Variants in MCMDC2 observed in about 807,000 individuals in gnomAD.
MCMDC2 encodes minichromosome maintenance domain-containing protein 2.
Under a neutral mutation model 75.8 loss-of-function variants are expected in MCMDC2, and 54 were observed. The observed-to-expected ratio is 0.71, with a 90% CI of 0.57 to 0.89. MCMDC2 has a LOEUF of 0.89. MCMDC2 is among the 40% of genes least tolerant of loss of function. The pLI is 0.00. For missense variants in MCMDC2, 656 were observed against 780.4 expected, an observed-to-expected ratio of 0.84 and a Z score of 1.90; for synonymous variants, 249 against 274.6, an observed-to-expected ratio of 0.91 and a Z score of 0.92.
At chr8:66,906,249 C>T (rs990890651) in intron 14 of MCMDC2, among the ~76,000 whole-genome samples, 14 of 152,162 alleles carry the variant, frequency 9.2e-5, no homozygotes, top group African/African-American at 1.7e-4. Context: ...TACCATTCTT[C>T]AAACCAAACC....
intron 9 of MCMDC2, chr8:66,884,273 C>T: frequency 2.2e-6 from 1 of 461,768 alleles, no homozygotes; most frequent in South Asian, 4.5e-5. Flanking sequence ...GCTCTGTATT[C>T]TCTTTCTGTA....
At position 66,903,460 on chromosome 8, in the gene MCMDC2, A is replaced by C. The variant is rs201388826; in HGVS notation, c.1770-1766A>C. ...TACTTAACAATTATTTTGAGATTACACTTTAATACTATATCAAATAAAGAA... is the reference window on the plus strand; with the variant it reads ...TACTTAACAATTATTTTGAGATTACCCTTTAATACTATATCAAATAAAGAA... On this transcript the variant is annotated intron_variant, in intron 13 of 14. Coordinates refer to ENST00000422365, the MANE Select transcript of MCMDC2 (RefSeq NM_173518.5). 2.6e-5 allele frequency among the ~76,000 whole-genome samples: 4 copies of C among 152,170 alleles called. No individual in the cohort carries two copies. The East Asian group carries it at 7.7e-4, about 29-fold the overall frequency.
intron 10 of MCMDC2, among the ~76,000 whole-genome samples, chr8:66,892,131 G>A (rs138015682): frequency 2.6e-5 from 4 of 152,288 alleles, no homozygotes; most frequent in East Asian, 1.9e-4. Context: ...CCAGCCCATC[G>A]CCACTTTCTG....
chr8:66,898,034 T>C (rs551254997), intron 12 of MCMDC2, among the ~76,000 whole-genome samples: 1 of 152,250 alleles, frequency 6.6e-6, no homozygotes, highest in African/African-American at 2.4e-5. Context: ...ATGAATATTG[T>C]TTATTCACAT....
In MCMDC2 at chr8:66,919,099, G is replaced by GC. The variant is rs1443469814; in HGVS notation, c.1978dup (p.Gln660ProfsTer20). The GC allele has an allele frequency of 3.2e-6, 5 of 1,550,594 alleles. No individual in the cohort carries two copies. The highest frequency in any genetic ancestry group is 4.4e-6 in the Non-Finnish European group (5 of 1,146,524). On this transcript the variant is annotated frameshift_variant, in exon 15 of 15. Transcript: ENST00000422365. LOFTEE classifies it high-confidence loss of function. The stretch of plus-strand genomic sequence containing the variant: ...CAAAGGGATCTCTATCTGACTCAGT[G>GC]CCAACAACAGCTGGAACAATTTATT...
intron 9 of MCMDC2, among the ~76,000 whole-genome samples, chr8:66,889,726 G>A (rs1812010879): frequency 6.6e-6 from 1 of 152,204 alleles, no homozygotes; most frequent in African/African-American, 2.4e-5. Context: ...TTGAGCCTGG[G>A]AGGTGGAGGT....
At chr8:66,901,653 C>T (rs879618948) in intron 13 of MCMDC2, 10 of 1,054,020 alleles carry the variant, frequency 9.5e-6, no homozygotes, top group Non-Finnish European at 1.1e-5. Flanking sequence ...GGCTGTTGGG[C>T]GGGCACGGTG....
At chr8:66,907,243 C>A (rs1330135984) in intron 14 of MCMDC2, among the ~76,000 whole-genome samples, 1 of 152,100 alleles carries the variant, frequency 6.6e-6, no homozygotes, top group Non-Finnish European at 1.5e-5. Context: ...CAACCCCCAA[C>A]AGGCCTCAGT....
At chr8:66,913,494 A>G (rs1338718490) in intron 14 of MCMDC2, among the ~76,000 whole-genome samples, 1 of 152,226 alleles carries the variant, frequency 6.6e-6, no homozygotes, top group African/African-American at 2.4e-5. Context: ...TTCTCATAAT[A>G]TGCCTCATAA....
At chr8:66,886,158 C>CT (rs775562349) in intron 9 of MCMDC2, among the ~76,000 whole-genome samples, 4,167 of 123,414 alleles carry the variant, frequency 0.034, 177 homozygotes, top group African/African-American at 0.096. Context: ...ATATGTATAA[C>CT]TTTTTTTTTT....
At chr8:66,885,455 A>G (rs531374840) in intron 9 of MCMDC2, among the ~76,000 whole-genome samples, 46 of 152,110 alleles carry the variant, frequency 3.0e-4, no homozygotes, top group African/African-American at 1.1e-3. Flanking sequence ...TTATTTTTCT[A>G]TGAACCTCCC....
Position 66,896,842 on chromosome 8 carries a change from G to A in MCMDC2, c.1509G>A (p.Glu503=), listed in dbSNP as rs774865132. The A allele has an allele frequency of 5.0e-6, 8 of 1,613,240 alleles. No individual in the cohort carries two copies. The East Asian group carries it at 1.6e-4, about 31-fold the overall frequency. The part of the protein sequence containing the change: ...EAFGLLINCN[E]SSPCHPFLPT... ...TTGGTTTATTGATTAACTGCAACGA[G>A]TCATCTCCCTGCCACCCATTTCTTC... The change falls in exon 12 of 15, where the codon GAG becomes GAA. Residue 503 remains glutamate, a synonymous_variant. Transcript: ENST00000422365.
At chr8:66,872,818 C>CATGGTGG (rs1563672188) in intron 1 of MCMDC2, among the ~76,000 whole-genome samples, 1 of 151,870 alleles carries the variant, frequency 6.6e-6, no homozygotes, top group Non-Finnish European at 1.5e-5. Context: ...ATTAGCTGGG[C>CATGGTGG]CGGGTGACAC....
chr8:66,904,206 A>T (rs1812816625), intron 13 of MCMDC2, among the ~76,000 whole-genome samples: 1 of 152,162 alleles, frequency 6.6e-6, no homozygotes, highest in Admixed American at 6.5e-5. Context: ...ACTGAAAAGG[A>T]GTATTAACCA....
chr8:66,919,840 G>A lies in MCMDC2; in HGVS notation c.*671G>A, dbSNP rs1043710900. 1.3e-5 allele frequency: 2 copies of A among 152,110 alleles called. No homozygotes were observed. Among genetic ancestry groups the A allele is most frequent in the South Asian group, 4.1e-4 (2 of 4,830 alleles). 9.4% of individuals were successfully genotyped at this position (152,110 alleles called of 1,614,324 possible). A position where few individuals can be genotyped will look rare whatever the true frequency, so the allele number is the denominator to read the frequency against. On this transcript the variant is annotated 3_prime_UTR_variant, in exon 15 of 15. Transcript: ENST00000422365. ...ATAAATTGGCTCTCTAACCCTAACT[G>A]GTTACAAGAAAGGCTCCAAAAGGCA... is the stretch of plus-strand genomic sequence containing the variant.
intron 8 of MCMDC2, among the ~76,000 whole-genome samples, chr8:66,882,358 CT>C (rs991887062): frequency 1.3e-5 from 2 of 151,060 alleles, no homozygotes; most frequent in Non-Finnish European, 3.0e-5. Flanking sequence ...AGTTTCTTTT[CT>C]TTTTTTTTCT....
chr8:66,901,156 A>G (rs754284179), intron 12 of MCMDC2, 50 bp from the exon 13 acceptor site: 15 of 1,377,036 alleles, frequency 1.1e-5, no homozygotes, highest in Non-Finnish European at 1.4e-5. Flanking sequence ...TTTCTGTTAT[A>G]TTGATTCCAT....
At chr8:66,901,066 A>C (rs190845931) in intron 12 of MCMDC2, 140 bp from the exon 13 acceptor site, 425 of 643,792 alleles carry the variant, frequency 6.6e-4, no homozygotes, top group Non-Finnish European at 9.7e-4. Flanking sequence ...CAGTGACTTC[A>C]AGATGGCCCC....
At chr8:66,879,181 G>A (rs1173884828) in intron 7 of MCMDC2, among the ~76,000 whole-genome samples, 1 of 152,168 alleles carries the variant, frequency 6.6e-6, no homozygotes, top group African/African-American at 2.4e-5. Context: ...GAGGGTGGGA[G>A]GATCGCCTAA....
Sources: allele counts gnomAD v4.1 joint callset (sites outside exome capture counted in the v4.1 genomes callset), GRCh38; gene constraint gnomAD v4.1.1; transcripts MANE v1.5; gene names NCBI Gene and HGNC (gene_info 2026-07-23, HGNC 2026-07-21).